PDE6C: variants seen among roughly 807,000 people sequenced by gnomAD.
PDE6C encodes phosphodiesterase 6C.
Under a neutral mutation model 113.1 loss-of-function variants are expected in PDE6C, and 75 were observed. The observed-to-expected ratio is 0.66, with a 90% confidence interval of 0.55 to 0.80. The LOEUF is 0.80. Ranked by LOEUF, PDE6C falls within the 30% of genes least tolerant of loss-of-function variation. PDE6C has a pLI of 0.00. For missense variants in PDE6C, 912 were observed against 1,038.6 expected (o/e 0.88, Z 1.67); for synonymous variants, 375 against 363.7 (o/e 1.03, Z -0.35).
intron 4 of PDE6C, among the ~76,000 whole-genome samples, chr10:93,622,874 G>A (rs1191356284): frequency 6.6e-6 from 1 of 152,038 alleles, no homozygotes; most frequent in Non-Finnish European, 1.5e-5. Context: ...CCATTCACCT[G>A]TTGAAGGGTA....
At chr10:93,649,779 A>G (rs528284909) in intron 15 of PDE6C, among the ~76,000 whole-genome samples, 1 of 152,080 alleles carries the variant, frequency 6.6e-6, no homozygotes. Flanking sequence ...TAATTTTTGT[A>G]TTTTTAGTAG....
chr10:93,615,944 G>A (rs2058417534), intron 1 of PDE6C, among the ~76,000 whole-genome samples: 1 of 152,170 alleles, frequency 6.6e-6, no homozygotes, highest in Non-Finnish European at 1.5e-5. Context: ...AACGGAGGTG[G>A]CTGAGTATGT....
chr10:93,632,539 C>T (rs1479476009), intron 8 of PDE6C, among the ~76,000 whole-genome samples: 1 of 152,172 alleles, frequency 6.6e-6, no homozygotes, highest in East Asian at 1.9e-4. Context: ...AATGGCAAAG[C>T]ACAAGAATAT....
At chr10:93,655,324 A>G (rs1303126294) in intron 15 of PDE6C, among the ~76,000 whole-genome samples, 3 of 152,194 alleles carry the variant, frequency 2.0e-5, no homozygotes, top group Non-Finnish European at 4.4e-5. Context: ...AGTGGTTTCT[A>G]TGATCACTCT....
At chr10:93,643,400 A>G (rs1196905907) in intron 14 of PDE6C, among the ~76,000 whole-genome samples, 1 of 151,838 alleles carries the variant, frequency 6.6e-6, no homozygotes, top group Non-Finnish European at 1.5e-5. Context: ...AATAATATAT[A>G]TATTTTTTGG....
intron 15 of PDE6C, among the ~76,000 whole-genome samples, chr10:93,651,787 C>T (rs1027352885): frequency 6.6e-6 from 1 of 152,164 alleles, no homozygotes; most frequent in African/African-American, 2.4e-5. Context: ...TGTCTTTGGT[C>T]TAGGAGATTG....
chr10:93,625,569 C>A lies in PDE6C; in HGVS notation c.865-6C>A. 6.2e-7 allele frequency: 1 copy of A among 1,605,588 alleles called. No homozygotes were observed. The highest frequency in any genetic ancestry group is 8.5e-7 in the Non-Finnish European group (1 of 1,172,320). The stretch of plus-strand genomic sequence containing the variant: ...TTTAATGATACTTAAATCTGATTGC[C>A]TCCAGGAATTCTACGATGAATGGCC... On this transcript the variant is annotated splice_region_variant and splice_polypyrimidine_tract_variant and intron_variant, in intron 4 of 21. Coordinates refer to ENST00000371447, the MANE Select transcript of PDE6C (RefSeq NM_006204.4).
chr10:93,614,865 C>T (rs549665234), intron 1 of PDE6C, among the ~76,000 whole-genome samples: 1 of 152,136 alleles, frequency 6.6e-6, no homozygotes, highest in East Asian at 1.9e-4. Context: ...CTGGGTGGGA[C>T]ACAGAGAAAT....
chr10:93,629,675 C>G (rs2058490659), intron 8 of PDE6C, among the ~76,000 whole-genome samples: 1 of 152,174 alleles, frequency 6.6e-6, no homozygotes, highest in Admixed American at 6.5e-5. Flanking sequence ...CTCAGATCAT[C>G]AGGCATTAGT....
intron 17 of PDE6C, 37 bp downstream of exon 17, chr10:93,659,045 G>A: frequency 1.3e-6 from 2 of 1,576,722 alleles, no homozygotes; most frequent in Non-Finnish European, 1.7e-6. Flanking sequence ...CTTGTTTTTT[G>A]TAAAAATAAC....
At chr10:93,651,717 A>G (rs1376802815) in intron 15 of PDE6C, among the ~76,000 whole-genome samples, 1 of 152,196 alleles carries the variant, frequency 6.6e-6, no homozygotes, top group Non-Finnish European at 1.5e-5. Context: ...CAGGCCTTCT[A>G]TTTGGGATCT....
intron 14 of PDE6C, among the ~76,000 whole-genome samples, chr10:93,642,888 A>G (rs1169200041): frequency 6.6e-6 from 1 of 152,176 alleles, no homozygotes; most frequent in African/African-American, 2.4e-5. Context: ...CTCCATCCAG[A>G]CTTGAGGCAA....
intron 8 of PDE6C, among the ~76,000 whole-genome samples, chr10:93,631,603 GC>G (rs1401163819): frequency 2.0e-5 from 3 of 152,182 alleles, no homozygotes; most frequent in African/African-American, 7.2e-5. Flanking sequence ...CCTCCCCGCC[GC>G]TCTTCAACGG....
At chr10:93,640,388 C>A in intron 12 of PDE6C, 62 bp from the exon 13 acceptor site, 1 of 1,357,326 alleles carries the variant, frequency 7.4e-7, no homozygotes, top group Non-Finnish European at 1.1e-6. Context: ...GATAAGATTG[C>A]CACAGACCTT....
At chr10:93,615,897 G>A (rs941319285) in intron 1 of PDE6C, among the ~76,000 whole-genome samples, 8 of 152,120 alleles carry the variant, frequency 5.3e-5, no homozygotes, top group African/African-American at 9.7e-5. Flanking sequence ...TATATCCCCC[G>A]GGTCCATGGT....
intron 10 of PDE6C, among the ~76,000 whole-genome samples, chr10:93,635,943 A>G (rs930700347): frequency 6.6e-6 from 1 of 152,234 alleles, no homozygotes; most frequent in Admixed American, 6.5e-5. Flanking sequence ...CTATTGTCAT[A>G]TAATGCTGCA....
intron 14 of PDE6C, among the ~76,000 whole-genome samples, chr10:93,642,261 G>A (rs771750271): frequency 6.6e-6 from 1 of 152,088 alleles, no homozygotes; most frequent in Non-Finnish European, 1.5e-5. Context: ...CTACTTGAGA[G>A]GGTGAGGCAG....
At position 93,640,226 on chromosome 10, in the gene PDE6C, TATTTA is replaced by T; in HGVS notation, c.1629+17_1629+21del. On this transcript the variant is annotated intron_variant, in intron 12 of 21. Transcript: ENST00000371447. The stretch of plus-strand genomic sequence containing the variant: ...CAAAGTACCTGTAGAGGTCAGAGGG[TATTTA>T]ATTTAAAATACTGTGTGATTCTGTG... 1 of 1,609,566 alleles carries T rather than the reference TATTTA, an allele frequency of 6.2e-7. No individual in the cohort carries two copies. The highest frequency in any genetic ancestry group is 8.5e-7 in the Non-Finnish European group (1 of 1,175,872).
chr10:93,645,561 T>C (rs1232261794), intron 14 of PDE6C, among the ~76,000 whole-genome samples: 2 of 152,178 alleles, frequency 1.3e-5, no homozygotes, highest in Non-Finnish European at 2.9e-5. Context: ...TTTATCTCAC[T>C]GTCTTGGGGG....
Sources: gnomAD v4.1 joint callset for allele counts (sites outside exome capture counted in the v4.1 genomes callset) on GRCh38, gnomAD v4.1.1 for gene constraint, MANE v1.5 for transcripts, NCBI Gene and HGNC (gene_info 2026-07-23, HGNC 2026-07-21) for gene names.